POLR3F: variants seen among roughly 807,000 people sequenced by gnomAD.
The protein encoded by POLR3F is DNA-directed RNA polymerase III subunit RPC6.
Under a neutral mutation model 43.6 loss-of-function variants are expected in POLR3F, and 31 were observed. The ratio of observed to expected loss-of-function variants is 0.71; its 90% CI spans 0.53 to 0.96. The LOEUF (loss-of-function observed/expected upper bound fraction) is 0.96. Among genes scored for constraint, POLR3F ranks in the 40% least tolerant of loss-of-function variants. The probability of loss-of-function intolerance (pLI) is 0.00; values close to 1 mark genes in which losing one functional copy is unlikely to be tolerated. For synonymous variants in POLR3F, 114 were observed against 132.5 expected (o/e 0.86, Z 0.96); for missense variants, 316 against 391.7 (o/e 0.81, Z 1.63).
intron 7 of POLR3F, 39 bp downstream of exon 7, chr20:18,480,548 C>A (rs772564875): frequency 8.6e-7 from 1 of 1,167,190 alleles, no homozygotes; most frequent in Non-Finnish European, 1.3e-6. Flanking sequence ...AAAACTTATT[C>A]TTTGTCACAT....
intron 8 of POLR3F, 32 bp from the exon 9 acceptor site, chr20:18,483,444 CTTTAA>C: frequency 9.9e-7 from 1 of 1,006,714 alleles, no homozygotes; most frequent in Admixed American, 2.5e-5. Context: ...TATTTTAAAA[CTTTAA>C]TTTGAATATA....
rs748937304 is a variant in POLR3F, at chr20:18,472,870, C to T, written c.209C>T (p.Thr70Met). ...MGQLDLLRSNTGLLYRIKDSQ... is the reference protein window; with the variant it reads ...MGQLDLLRSNMGLLYRIKDSQ... ...CAGTTGGATCTCTTAAGGAGCAATA[C>T]GGGCCTTTTATATAGAATAAAGGAC... The change falls in exon 3 of 9, where the codon ACG becomes ATG. Residue 70 changes from threonine (T) to methionine (M), a missense_variant. By Grantham distance (81) the Thr-to-Met change is moderately conservative. Transcript: ENST00000377603. 1.6e-5 allele frequency: 24 copies of T among 1,509,198 alleles called. No homozygotes were observed. The highest frequency in any genetic ancestry group is 7.2e-5 in the South Asian group (6 of 83,802). The allele number at this position is 1,509,198 out of a possible 1,614,324, so 93.5% of individuals were successfully genotyped here.
intron 2 of POLR3F, among the ~76,000 whole-genome samples, chr20:18,470,240 C>G (rs1430967699): frequency 6.6e-6 from 1 of 152,200 alleles, no homozygotes; most frequent in African/African-American, 2.4e-5. Flanking sequence ...TTTTTTAAGT[C>G]TACTAGCCTT....
At chr20:18,479,148 A>G (rs1170749328) in intron 5 of POLR3F, among the ~76,000 whole-genome samples, 1 of 150,316 alleles carries the variant, frequency 6.7e-6, no homozygotes, top group East Asian at 1.9e-4. Context: ...CTCCGTTTCA[A>G]AAAAAAAAAG....
Position 18,481,787 on chromosome 20 carries a change from C to CGGGCACCCTA in POLR3F, c.859_860insAGGGCACCCT (p.Cys287Ter). ...AATCATCCCTCCCACAGGTTTGGTCCGGGCACCCTGTGGACTCTGCCCGGT... is the reference window on the plus strand; with the variant it reads ...AATCATCCCTCCCACAGGTTTGGTCCGGGCACCCTAGGGCACCCTGTGGACTCTGCCCGGT... On this transcript the variant is annotated stop_gained and frameshift_variant, in exon 8 of 9. Coordinates refer to ENST00000377603, the MANE Select transcript of POLR3F (RefSeq NM_006466.4). LOFTEE classifies it high-confidence loss of function. 1.9e-6 allele frequency: 3 copies of CGGGCACCCTA among 1,613,334 alleles called. No homozygotes were observed. The highest frequency in any genetic ancestry group is 2.5e-6 in the Non-Finnish European group (3 of 1,179,368).
At chr20:18,469,110 A>C (rs756407406) in intron 2 of POLR3F, 49 bp downstream of exon 2, 7 of 850,202 alleles carry the variant, frequency 8.2e-6, no homozygotes, top group Non-Finnish European at 1.4e-5. Context: ...GCTGATTATC[A>C]CTGGTTTTTA....
In POLR3F at chr20:18,484,297, T is replaced by C. The variant is rs1335022700; in HGVS notation, c.*739T>C. ...TCACTCTTTAACTCAAATGTATTCT[T>C]TGTTAGAATTTACCCTAGATTCTTA... On this transcript the variant is annotated 3_prime_UTR_variant, in exon 9 of 9. Transcript: ENST00000377603. 5.1e-6 allele frequency: 2 copies of C among 395,636 alleles called. No homozygotes were observed. The highest frequency in any genetic ancestry group is 4.4e-5 in the Admixed American group (1 of 22,658). 24.5% of individuals were successfully genotyped at this position (395,636 alleles called of 1,614,324 possible).
At position 18,483,470 on chromosome 20, in the gene POLR3F, C is replaced by CT; in HGVS notation, c.874-5dup. On this transcript the variant is annotated splice_polypyrimidine_tract_variant and intron_variant, in intron 8 of 8. Transcript: ENST00000377603. ...TTTAATTTGAATATAATTTTTTTTT[C>CT]TTTTTTAAAGGTTTTTGATGACTGC... The CT allele has an allele frequency of 7.4e-7, 1 of 1,358,616 alleles. No homozygotes were observed. Among genetic ancestry groups the CT allele is most frequent in the South Asian group, 1.3e-5 (1 of 76,250 alleles). The allele number at this position is 1,358,616 out of a possible 1,614,324, so 84.2% of individuals were successfully genotyped here.
chr20:18,477,264 C>T (rs1178297585), intron 5 of POLR3F, among the ~76,000 whole-genome samples: 1 of 152,148 alleles, frequency 6.6e-6, no homozygotes, highest in Non-Finnish European at 1.5e-5. Flanking sequence ...CCACTACACA[C>T]CTATTAGAAT....
intron 4 of POLR3F, among the ~76,000 whole-genome samples, chr20:18,474,112 A>G (rs1264455879): frequency 6.6e-6 from 1 of 151,906 alleles, no homozygotes; most frequent in Non-Finnish European, 1.5e-5. Flanking sequence ...GCCATTCTGC[A>G]TATTTTTTTA....
At chr20:18,482,063 T>C (rs1292332407) in intron 8 of POLR3F, among the ~76,000 whole-genome samples, 2 of 147,748 alleles carry the variant, frequency 1.4e-5, no homozygotes, top group African/African-American at 5.0e-5. Flanking sequence ...TCTTGACTCA[T>C]TGCAACCTCC....
chr20:18,467,703 C>G (rs1242436407), intron 1 of POLR3F, 135 bp downstream of exon 1: 2 of 1,509,294 alleles, frequency 1.3e-6, no homozygotes, highest in East Asian at 2.5e-5. Flanking sequence ...TTGCGGGGTT[C>G]TGGACCCACT....
intron 2 of POLR3F, among the ~76,000 whole-genome samples, chr20:18,470,167 T>C (rs2059741037): frequency 1.3e-5 from 2 of 152,254 alleles, no homozygotes; most frequent in African/African-American, 4.8e-5. Flanking sequence ...CATTTCAGTT[T>C]GGCTTTAGTA....
chr20:18,467,744 CAAG>C, intron 1 of POLR3F, 176 bp downstream of exon 1: 5 of 1,341,934 alleles, frequency 3.7e-6, no homozygotes, highest in Non-Finnish European at 1.0e-6. Context: ...GAGCAGAACT[CAAG>C]AAGTTCAAAA....
chr20:18,481,526 A>C (rs2059809499), intron 7 of POLR3F, 93 bp from the exon 8 acceptor site: 11 of 859,054 alleles, frequency 1.3e-5, no homozygotes. Flanking sequence ...GGCGTGAGCC[A>C]CTGCGCCCAG....
intron 2 of POLR3F, among the ~76,000 whole-genome samples, chr20:18,471,804 C>A (rs2424207): frequency 0.99 from 151,017 of 152,354 alleles, 74,848 homozygotes; most frequent in East Asian, 1. Context: ...CCAACATGGC[C>A]TAACCCTATC....
rs114514134 is a variant in POLR3F, at chr20:18,476,116, C to G, written c.429+929C>G. 3.5e-3 allele frequency among the ~76,000 whole-genome samples: 532 copies of G among 152,268 alleles called. 3 individuals carry two copies. Among genetic ancestry groups the G allele is most frequent in the African/African-American group, 0.012 (500 of 41,538 alleles). ...CATCATTCATACTACAGAATTCATT[C>G]AACCTTTTAAAGTGTAAAATCTTTG... On this transcript the variant is annotated intron_variant, in intron 5 of 8. Transcript: ENST00000377603.
rs2059823381 is a variant in POLR3F, at chr20:18,483,787, A to T, written c.*229A>T. 11 of 405,226 alleles carry T rather than the reference A, an allele frequency of 2.7e-5. No individual in the cohort carries two copies. The East Asian group carries it at 4.0e-4, about 15-fold the overall frequency. The allele number at this position is 405,226 out of a possible 1,614,324, so 25.1% of individuals were successfully genotyped here. The stretch of plus-strand genomic sequence containing the variant: ...AGGTTAGTAGTGAAATTCATTCTTC[A>T]ATAAATAAAACACTTTGAAACTCCG... On this transcript the variant is annotated 3_prime_UTR_variant, in exon 9 of 9. Coordinates refer to ENST00000377603, the MANE Select transcript of POLR3F (RefSeq NM_006466.4).
chr20:18,483,606 G>A lies in POLR3F; in HGVS notation c.*48G>A. ...ACATTTTGCAAATGAAGTTACTTAG[G>A]GAGCAGATAATTTAATTCATGATGG... On this transcript the variant is annotated 3_prime_UTR_variant, in exon 9 of 9. Coordinates refer to ENST00000377603, the MANE Select transcript of POLR3F (RefSeq NM_006466.4). 2 of 789,530 alleles carry A rather than the reference G, an allele frequency of 2.5e-6. No individual in the cohort carries two copies. Among genetic ancestry groups the A allele is most frequent in the Non-Finnish European group, 2.0e-6 (1 of 494,792 alleles). The allele number at this position is 789,530 out of a possible 1,614,324, so 48.9% of individuals were successfully genotyped here.
Sources: gnomAD v4.1 joint callset for allele counts (sites outside exome capture counted in the v4.1 genomes callset) on GRCh38, gnomAD v4.1.1 for gene constraint, MANE v1.5 for transcripts, NCBI Gene and HGNC (gene_info 2026-07-23, HGNC 2026-07-21) for gene names.